The following CADM2 variants were observed in gnomAD, a reference collection of about 807,000 sequenced individuals.
CADM2 encodes the protein immunoglobulin superfamily member 4D.
Under a neutral mutation model 49.8 loss-of-function variants are expected in CADM2, and 12 were observed. That is an observed-to-expected ratio of 0.24 (90% CI 0.15 to 0.39). The LOEUF (loss-of-function observed/expected upper bound fraction) is 0.39, where lower values mean the gene tolerates loss of function less well. Among genes scored for constraint, CADM2 ranks in the 10% least tolerant of loss-of-function variants. CADM2 has a pLI of 1.00. For missense variants in CADM2, 378 were observed against 492.3 expected (o/e 0.77, Z 2.20); for synonymous variants, 214 against 175.4 (o/e 1.22, Z -1.74).
chr3:85,546,052 C>T (rs183225677), intron 1 of CADM2, among the ~76,000 whole-genome samples: 1 of 152,210 alleles, frequency 6.6e-6, no homozygotes, highest in Admixed American at 6.5e-5. Context: ...CTAAAATATA[C>T]CTGACCATGG....
chr3:85,725,884 C>T (rs1694456695), intron 1 of CADM2, among the ~76,000 whole-genome samples: 1 of 152,122 alleles, frequency 6.6e-6, no homozygotes, highest in South Asian at 2.1e-4. Flanking sequence ...ATACCAATAG[C>T]TTAAGGTAAT....
At chr3:85,354,405 A>G (rs1231936356) in intron 1 of CADM2, among the ~76,000 whole-genome samples, 2 of 150,702 alleles carry the variant, frequency 1.3e-5, no homozygotes, top group Non-Finnish European at 3.0e-5. Flanking sequence ...CTAATGCTAA[A>G]TGACGAGTTA....
intron 1 of CADM2, among the ~76,000 whole-genome samples, chr3:85,394,879 G>C (rs1008123941): frequency 6.6e-6 from 1 of 152,080 alleles, no homozygotes; most frequent in African/African-American, 2.4e-5. Flanking sequence ...ATAAAAATGT[G>C]TCTCTCATGC....
intron 2 of CADM2, among the ~76,000 whole-genome samples, chr3:85,771,274 A>G (rs1431120225): frequency 2.0e-5 from 3 of 152,134 alleles, no homozygotes; most frequent in South Asian, 2.1e-4. Flanking sequence ...CCATTGGTCA[A>G]TTCACAAATC....
intron 8 of CADM2, among the ~76,000 whole-genome samples, chr3:86,045,436 A>C (rs1046157189): frequency 6.6e-6 from 1 of 151,998 alleles, no homozygotes. Flanking sequence ...GTTCTGTTCC[A>C]CTTCCCAGGG....
In CADM2 at chr3:86,070,375, C is replaced by A. The variant is rs193221254; in HGVS notation, c.*3592C>A. ...CTCTTCCATGTAACATAGCAGTTAT[C>A]GTGTAATTTAGTGCCACTTATTGCA... On this transcript the variant is annotated 3_prime_UTR_variant, in exon 10 of 10. Coordinates refer to ENST00000383699, the MANE Select transcript of CADM2 (RefSeq NM_001167675.2). The A allele has an allele frequency of 6.6e-6, 1 of 151,846 alleles. No homozygotes were observed. Among genetic ancestry groups the A allele is most frequent in the Non-Finnish European group, 1.5e-5 (1 of 67,828 alleles). 9.4% of individuals were successfully genotyped at this position (151,846 alleles called of 1,614,324 possible).
intron 1 of CADM2, among the ~76,000 whole-genome samples, chr3:85,215,019 CAGA>C (rs1237989144): frequency 1.3e-5 from 2 of 152,104 alleles, no homozygotes; most frequent in Non-Finnish European, 2.9e-5. Flanking sequence ...TTTCCCTAAG[CAGA>C]AGGAGTCTCC....
At chr3:85,254,399 T>G (rs11710504) in intron 1 of CADM2, among the ~76,000 whole-genome samples, 7,465 of 151,970 alleles carry the variant, frequency 0.049, 235 homozygotes, top group Middle Eastern at 0.11. Context: ...AAGTCATTGG[T>G]CATTGGTGAT....
intron 1 of CADM2, among the ~76,000 whole-genome samples, chr3:85,422,101 T>A (rs1229004212): frequency 1.3e-5 from 2 of 152,244 alleles, no homozygotes; most frequent in Non-Finnish European, 2.9e-5. Flanking sequence ...TATCTAATTA[T>A]GTATTCTGAT....
intron 1 of CADM2, among the ~76,000 whole-genome samples, chr3:85,716,351 G>A (rs1373526599): frequency 6.6e-6 from 1 of 152,090 alleles, no homozygotes; most frequent in African/African-American, 2.4e-5. Context: ...TGATGGGGTT[G>A]TTTGTTTTTT....
At chr3:86,018,581 G>T (rs1224562205) in intron 8 of CADM2, among the ~76,000 whole-genome samples, 1 of 152,228 alleles carries the variant, frequency 6.6e-6, no homozygotes, top group Admixed American at 6.5e-5. Flanking sequence ...TAACTGGTGT[G>T]AGATGGCATT....
intron 1 of CADM2, among the ~76,000 whole-genome samples, chr3:85,451,155 C>G (rs1020240675): frequency 2.6e-5 from 4 of 151,882 alleles, no homozygotes; most frequent in African/African-American, 9.7e-5. Flanking sequence ...GAAAAATAGG[C>G]TGTAATCTGT....
chr3:85,000,966 T>C (rs923230081), intron 1 of CADM2, among the ~76,000 whole-genome samples: 4 of 152,138 alleles, frequency 2.6e-5, no homozygotes, highest in Admixed American at 1.3e-4. Context: ...TTTTGCTACA[T>C]GTTATAATCA....
At chr3:85,470,393 C>G (rs554356817) in intron 1 of CADM2, among the ~76,000 whole-genome samples, 4 of 152,024 alleles carry the variant, frequency 2.6e-5, no homozygotes, top group Non-Finnish European at 5.9e-5. Context: ...ACACTTAAGT[C>G]TATGTGCTGA....
chr3:84,966,528 C>CA (rs992954522), intron 1 of CADM2, among the ~76,000 whole-genome samples: 36 of 151,438 alleles, frequency 2.4e-4, no homozygotes, highest in Non-Finnish European at 1.8e-4. Flanking sequence ...AAGACTTCCA[C>CA]AAAAAAACAC....
At chr3:86,025,210 C>T (rs747982116) in intron 8 of CADM2, among the ~76,000 whole-genome samples, 23 of 151,964 alleles carry the variant, frequency 1.5e-4, no homozygotes, top group Non-Finnish European at 2.4e-4. Flanking sequence ...CGCCCGCCAC[C>T]ACGCCAGCCT....
At chr3:85,105,473 C>A (rs988503377) in intron 1 of CADM2, among the ~76,000 whole-genome samples, 8 of 151,956 alleles carry the variant, frequency 5.3e-5, no homozygotes, top group African/African-American at 1.9e-4. Flanking sequence ...TGTGGAGAAA[C>A]AGGAATACTT....
chr3:84,985,419 A>G (rs746355641), intron 1 of CADM2, among the ~76,000 whole-genome samples: 5 of 152,142 alleles, frequency 3.3e-5, no homozygotes, highest in Admixed American at 1.3e-4. Flanking sequence ...ATTAATATTC[A>G]GGTAATATCA....
At chr3:85,978,302 A>G (rs895651265) in intron 8 of CADM2, among the ~76,000 whole-genome samples, 1 of 149,898 alleles carries the variant, frequency 6.7e-6, no homozygotes, top group African/African-American at 2.5e-5. Context: ...GGCATTAAAC[A>G]CTATTCTTTC....
Sources: gnomAD v4.1 joint callset for allele counts (sites outside exome capture counted in the v4.1 genomes callset) on GRCh38, gnomAD v4.1.1 for gene constraint, MANE v1.5 for transcripts, NCBI Gene and HGNC (gene_info 2026-07-23, HGNC 2026-07-21) for gene names.